TTC8: variants seen among roughly 807,000 people sequenced by gnomAD.
TTC8 encodes the protein tetratricopeptide repeat protein 8.
In TTC8, 47 loss-of-function variants were observed where a neutral mutation model predicts 72.5. That is an observed-to-expected ratio of 0.65 (90% CI 0.51 to 0.83). The LOEUF is 0.83. TTC8 is among the 40% of genes least tolerant of loss of function. The probability of loss-of-function intolerance (pLI) is 0.00; values close to 1 mark genes in which losing one functional copy is unlikely to be tolerated. For missense variants in TTC8, 611 were observed against 623.2 expected, an observed-to-expected ratio of 0.98 and a Z score of 0.21; for synonymous variants, 199 against 221.4, an observed-to-expected ratio of 0.90 and a Z score of 0.90.
At chr14:88,859,605 C>T (rs531491082) in intron 9 of TTC8, among the ~76,000 whole-genome samples, 38 of 151,646 alleles carry the variant, frequency 2.5e-4, no homozygotes, top group Middle Eastern at 3.4e-3. Flanking sequence ...CAACAAACTC[C>T]CCATGATATG....
intron 6 of TTC8, among the ~76,000 whole-genome samples, chr14:88,842,931 G>T (rs1404915600): frequency 6.7e-6 from 1 of 148,892 alleles, no homozygotes; most frequent in Non-Finnish European, 1.5e-5. Context: ...CAGAACAAAT[G>T]GAAGGATTGT....
chr14:88,853,936 A>G (rs1453137731), intron 8 of TTC8, among the ~76,000 whole-genome samples: 6 of 152,180 alleles, frequency 3.9e-5, no homozygotes, highest in Non-Finnish European at 7.4e-5. Flanking sequence ...TACTATGAGC[A>G]CACTTCAATA....
chr14:88,861,413 C>A, intron 10 of TTC8, 81 bp downstream of exon 10: 1 of 993,102 alleles, frequency 1.0e-6, no homozygotes, highest in Non-Finnish European at 1.6e-6. Flanking sequence ...TATTTTAATT[C>A]CTGTATACAA....
chr14:88,862,711 G>A (rs1409421238), intron 10 of TTC8, among the ~76,000 whole-genome samples: 1 of 147,770 alleles, frequency 6.8e-6, no homozygotes, highest in East Asian at 2.0e-4. Flanking sequence ...CTCCTGGGTA[G>A]CTGGGACTAC....
chr14:88,851,516 G>A (rs74509455), intron 7 of TTC8, among the ~76,000 whole-genome samples: 3,853 of 152,200 alleles, frequency 0.025, 72 homozygotes, highest in Middle Eastern at 0.041. Context: ...GCATGAGAAG[G>A]ACTATGGTCT....
intron 4 of TTC8, 35 bp from the exon 5 acceptor site, chr14:88,841,001 TC>T: frequency 3.1e-6 from 5 of 1,613,992 alleles, no homozygotes; most frequent in Non-Finnish European, 4.2e-6. Flanking sequence ...CCTCAAATGA[TC>T]TTCTTTGTAT....
intron 9 of TTC8, among the ~76,000 whole-genome samples, chr14:88,859,079 A>C (rs1274143628): frequency 1.3e-5 from 2 of 151,964 alleles, no homozygotes; most frequent in Admixed American, 6.6e-5. Flanking sequence ...CTGTTTTTCC[A>C]TAAATTGATT....
chr14:88,838,290 A>C (rs1465712569), intron 2 of TTC8, among the ~76,000 whole-genome samples: 3 of 152,118 alleles, frequency 2.0e-5, no homozygotes, highest in Non-Finnish European at 4.4e-5. Flanking sequence ...CCGTGTTTTA[A>C]TCTTCTCATG....
At chr14:88,841,011 A>G in intron 4 of TTC8, 26 bp from the exon 5 acceptor site, 1 of 1,614,086 alleles carries the variant, frequency 6.2e-7, no homozygotes, top group Non-Finnish European at 8.5e-7. Context: ...TCTTCTTTGT[A>G]TTATAACAAT....
chr14:88,833,762 T>C, intron 2 of TTC8, 40 bp downstream of exon 2: 1 of 1,587,208 alleles, frequency 6.3e-7, no homozygotes, highest in Non-Finnish European at 8.7e-7. Flanking sequence ...TTTAGAGAAT[T>C]CTTTAATGCT....
At chr14:88,875,962 TG>T (rs2094955734) in intron 14 of TTC8, among the ~76,000 whole-genome samples, 1 of 152,194 alleles carries the variant, frequency 6.6e-6, no homozygotes, top group Non-Finnish European at 1.5e-5. Context: ...ATTGAGCCTT[TG>T]CTATATACCA....
At chr14:88,878,971 T>C (rs914365753), downstream of TTC8, 1 of 152,208 alleles carries the variant, frequency 6.6e-6, no homozygotes, top group Admixed American at 6.5e-5. Flanking sequence ...GAGTGTGTGC[T>C]CTTAATCACT....
intron 10 of TTC8, among the ~76,000 whole-genome samples, chr14:88,867,256 T>C (rs377595176): frequency 6.6e-6 from 1 of 152,184 alleles, no homozygotes; most frequent in African/African-American, 2.4e-5. Flanking sequence ...AGCATGTTTT[T>C]TGGTTAAAAA....
At chr14:88,864,348 T>G (rs1452976878) in intron 10 of TTC8, among the ~76,000 whole-genome samples, 3 of 152,256 alleles carry the variant, frequency 2.0e-5, no homozygotes, top group African/African-American at 7.2e-5. Context: ...CCAGTGGAAT[T>G]CATGCTTGTT....
At chr14:88,870,992 A>C (rs2038531) in intron 11 of TTC8, among the ~76,000 whole-genome samples, 1 of 152,202 alleles carries the variant, frequency 6.6e-6, no homozygotes, top group Admixed American at 6.5e-5. Context: ...TATGCATAGA[A>C]GCAAATGGGG....
At chr14:88,864,669 G>A (rs992163571) in intron 10 of TTC8, among the ~76,000 whole-genome samples, 1 of 152,114 alleles carries the variant, frequency 6.6e-6, no homozygotes, top group Admixed American at 6.5e-5. Context: ...TTAGCTGTAG[G>A]GACAATCATG....
intron 1 of TTC8, chr14:88,830,782 A>G (rs1012630918): frequency 2.2e-6 from 1 of 449,686 alleles, no homozygotes; most frequent in Non-Finnish European, 4.5e-6. Flanking sequence ...CAGAACTACA[A>G]CTGAGAGCGA....
In TTC8 at chr14:88,841,527, A is replaced by G; in HGVS notation, c.579+13A>G. The G allele has an allele frequency of 6.3e-7, 1 of 1,592,756 alleles. No individual in the cohort carries two copies. Among genetic ancestry groups the G allele is most frequent in the Non-Finnish European group, 8.6e-7 (1 of 1,160,930 alleles). ...TAAGTTGGCAAAGGTATGTACTTAA[A>G]ATGATTTTGAGTTATGAAGTAATAT... On this transcript the variant is annotated intron_variant, in intron 6 of 14. Transcript: ENST00000380656.
At chr14:88,878,758 A>G (rs1242062907), downstream of TTC8, 1 of 152,246 alleles carries the variant, frequency 6.6e-6, no homozygotes, top group East Asian at 1.9e-4. Flanking sequence ...ATAAGAGCTA[A>G]TAAGAATGGC....
Sources: allele counts gnomAD v4.1 joint callset (sites outside exome capture counted in the v4.1 genomes callset), GRCh38; gene constraint gnomAD v4.1.1; transcripts MANE v1.5; gene names NCBI Gene and HGNC (gene_info 2026-07-23, HGNC 2026-07-21).